The following ADH1A variants were observed in gnomAD, a reference collection of about 807,000 sequenced individuals.
The protein encoded by ADH1A is alcohol dehydrogenase 1A.
In ADH1A, 29 loss-of-function variants were observed where a neutral mutation model predicts 35.2. The observed-to-expected ratio is 0.82, with a 90% CI of 0.61 to 1.12. The LOEUF is 1.12. ADH1A is among the 50% of genes most tolerant of loss of function. The pLI, the probability that ADH1A is intolerant of heterozygous loss-of-function variation, is 0.00. For synonymous variants in ADH1A, 147 were observed against 164.8 expected (o/e 0.89, Z 0.83); for missense variants, 469 against 464.7 (o/e 1.01, Z -0.09).
chr4:99,282,499 G>A lies in ADH1A; in HGVS notation c.675C>T (p.Ile225=), dbSNP rs1733032618. The stretch of plus-strand genomic sequence containing the variant: ...TGGCCTTTGCAAATTTGTCCTTGTT[G>A]ATGTCCACCGCAATGATTCTGGCTG... ...AGAARIIAVD[I]NKDKFAKAKE... Residue 225 remains isoleucine (I), a synonymous_variant, in exon 6 of 9, where the codon ATC becomes ATT. Transcript: ENST00000209668. 6.2e-7 allele frequency: 1 copy of A among 1,614,040 alleles called. No individual in the cohort carries two copies. The highest frequency in any genetic ancestry group is 1.3e-5 in the African/African-American group (1 of 74,916).
intron 4 of ADH1A, 42 bp downstream of exon 4, chr4:99,284,674 T>C (rs762927634): frequency 1.9e-6 from 3 of 1,612,448 alleles, no homozygotes; most frequent in Non-Finnish European, 1.7e-6. Flanking sequence ...ATAACTAATG[T>C]GCAAACTCAA....
chr4:99,277,899 T>C (rs1183759601), intron 8 of ADH1A, among the ~76,000 whole-genome samples: 1 of 152,080 alleles, frequency 6.6e-6, no homozygotes, highest in Non-Finnish European at 1.5e-5. Flanking sequence ...GTAGAATAGA[T>C]TTCTAGAAAT....
At chr4:99,290,642 G>A (rs914800502) in intron 1 of ADH1A, among the ~76,000 whole-genome samples, 5 of 152,038 alleles carry the variant, frequency 3.3e-5, no homozygotes, top group South Asian at 2.1e-4. Context: ...TCGCTTTACC[G>A]CAAATGTCTT....
intron 1 of ADH1A, 102 bp from the exon 2 acceptor site, chr4:99,287,767 G>A (rs963720799): frequency 5.2e-5 from 67 of 1,288,850 alleles, no homozygotes; most frequent in Non-Finnish European, 7.4e-5. Flanking sequence ...TCCCATGTCT[G>A]GTACCTAACA....
rs1362567367 is a variant in ADH1A at position 99,282,563 on chromosome 4, A to T, written c.611T>A (p.Val204Asp). Residue 204 changes from valine to aspartate, a missense_variant, in exon 6 of 9, where the codon GTC (valine) becomes GAC (aspartate). Coordinates refer to ENST00000209668, the MANE Select transcript of ADH1A (RefSeq NM_000667.4). Reference sequence around the variant, plus strand: ...ACAGCCCATAATAGCAGATAGGCCGACCCCTCCCAGGCCAAACACAGCACA... The same window carrying T: ...ACAGCCCATAATAGCAGATAGGCCGTCCCCTCCCAGGCCAAACACAGCACA... ...STCAVFGLGG[V>D]GLSAIMGCKA... 1.9e-6 allele frequency: 3 copies of T among 1,613,982 alleles called. No homozygotes were observed. The highest frequency in any genetic ancestry group is 2.5e-6 in the Non-Finnish European group (3 of 1,180,026).
Position 99,284,732 on chromosome 4 carries a change from A to G in ADH1A, c.331T>C (p.Tyr111His). 1 of 1,614,222 alleles carries G rather than the reference A, an allele frequency of 6.2e-7. No homozygotes were observed. Among genetic ancestry groups the G allele is most frequent in the Middle Eastern group, 1.7e-4 (1 of 6,054 alleles). Residue 111 changes from tyrosine to histidine, a missense_variant, in exon 4 of 9, where the codon TAC becomes CAC. Coordinates refer to ENST00000209668, the MANE Select transcript of ADH1A (RefSeq NM_000667.4). ...CRICKNPESN[Y>H]CLKNDVSNPQ... The stretch of plus-strand genomic sequence containing the variant: ...GAAACCTACTCGTTTTTCAAGCAGT[A>G]GTTGCTCTCCGGGTTTTTACAAATT...
intron 1 of ADH1A, 80 bp from the exon 2 acceptor site, chr4:99,287,745 TACA>T: frequency 6.8e-7 from 1 of 1,480,688 alleles, no homozygotes; most frequent in Non-Finnish European, 9.4e-7. Context: ...TCTTTGTACA[TACA>T]ACATCTAATC....
intron 1 of ADH1A, among the ~76,000 whole-genome samples, chr4:99,289,109 C>A (rs908213073): frequency 7.2e-5 from 11 of 152,200 alleles, no homozygotes; most frequent in African/African-American, 2.6e-4. Flanking sequence ...TAATGGTCTC[C>A]AGCTCCATCC....
rs781344829 is a variant in ADH1A, at chr4:99,282,556, T to C, written c.618A>G (p.Leu206=). The C allele has an allele frequency of 5.0e-6, 8 of 1,614,204 alleles. No homozygotes were observed. The Admixed American group carries it at 6.7e-5, about 13-fold the overall frequency. ...CAVFGLGGVG[L]SAIMGCKAAG... ...CTGCTTTACAGCCCATAATAGCAGA[T>C]AGGCCGACCCCTCCCAGGCCAAACA... Residue 206 remains leucine (L), a synonymous_variant, in exon 6 of 9, where the codon CTA becomes CTG. Transcript: ENST00000209668.
At chr4:99,289,019 C>T (rs1371064019) in intron 1 of ADH1A, among the ~76,000 whole-genome samples, 1 of 152,032 alleles carries the variant, frequency 6.6e-6, no homozygotes, top group Non-Finnish European at 1.5e-5. Context: ...ATTCTCATGC[C>T]TTTGCATCCT....
rs988522801 is a variant in ADH1A at position 99,286,656 on chromosome 4, T to C, written c.259+194A>G. 29 of 865,872 alleles carry C rather than the reference T, an allele frequency of 3.3e-5. No homozygotes were observed. The African/African-American group carries it at 4.4e-4, about 13-fold the overall frequency. The allele number at this position is 865,872 out of a possible 1,614,324, so 53.6% of individuals were successfully genotyped here. A position where few individuals can be genotyped will look rare whatever the true frequency, so the allele number is the denominator to read the frequency against. On this transcript the variant is annotated intron_variant, in intron 3 of 8. Coordinates refer to ENST00000209668, the MANE Select transcript of ADH1A (RefSeq NM_000667.4). ...TGCTCAGTACATAATTGTTGAAGGG[T>C]AGAATACATGCGTGCCTAAAGACAT...
At chr4:99,286,205 C>CCGTA (rs2110610212) in intron 3 of ADH1A, among the ~76,000 whole-genome samples, 1 of 152,176 alleles carries the variant, frequency 6.6e-6, no homozygotes, top group East Asian at 1.9e-4. Flanking sequence ...AATTAGTAAT[C>CCGTA]CGTAACCAGT....
At position 99,286,964 on chromosome 4, in the gene ADH1A, T is replaced by C; in HGVS notation, c.145A>G (p.Thr49Ala). The C allele has an allele frequency of 1.2e-6, 2 of 1,614,126 alleles. No individual in the cohort carries two copies. The highest frequency in any genetic ancestry group is 1.7e-6 in the Non-Finnish European group (2 of 1,179,992). The change falls in exon 3 of 9, where the codon ACA becomes GCA. Residue 49 changes from threonine to alanine, a missense_variant. Thr to Ala is a moderately conservative substitution (Grantham distance 58, BLOSUM62 0). Coordinates refer to ENST00000209668, the MANE Select transcript of ADH1A (RefSeq NM_000667.4). ...IKMVAVGICG[T>A]DDHVVSGTMV... Reference sequence around the variant, plus strand: ...GTACCACTAACCACGTGGTCATCTGTGCCACAGATTCCTACAGCCACCATC... The same window carrying C: ...GTACCACTAACCACGTGGTCATCTGCGCCACAGATTCCTACAGCCACCATC...
At chr4:99,288,389 A>C (rs1733210254) in intron 1 of ADH1A, among the ~76,000 whole-genome samples, 1 of 152,058 alleles carries the variant, frequency 6.6e-6, no homozygotes, top group Non-Finnish European at 1.5e-5. Context: ...TCAGACCTAC[A>C]CATACATATT....
chr4:99,282,696 T>C (rs1733038643), intron 5 of ADH1A, 90 bp from the exon 6 acceptor site: 4 of 1,526,374 alleles, frequency 2.6e-6, no homozygotes, highest in Non-Finnish European at 2.6e-6. Context: ...AACTCTTCTG[T>C]TCAATCTGTT....
chr4:99,284,089 C>T (rs1020243007), intron 5 of ADH1A, among the ~76,000 whole-genome samples: 3 of 152,116 alleles, frequency 2.0e-5, no homozygotes, highest in Non-Finnish European at 4.4e-5. Context: ...TGTAGGTGCT[C>T]TCTAATTGTA....
chr4:99,284,537 G>A lies in ADH1A; in HGVS notation c.429C>T (p.Gly143=), dbSNP rs772352794. ...CRRKPIHHFL[G]ISTFSQYTVV... is the part of the protein sequence containing the mutation. ...CTGTGTACTGTGAGAAGGTGCTGAT[G>A]CCAAGGAAGTGGTGGATGGGCTTCC... The change falls in exon 5 of 9, where the codon GGC becomes GGT. Residue 143 remains glycine (G), a synonymous_variant. Coordinates refer to ENST00000209668, the MANE Select transcript of ADH1A (RefSeq NM_000667.4). 1.9e-6 allele frequency: 3 copies of A among 1,614,234 alleles called. No individual in the cohort carries two copies. The highest frequency in any genetic ancestry group is 2.5e-6 in the Non-Finnish European group (3 of 1,180,036).
At chr4:99,285,747 A>T (rs948539971) in intron 3 of ADH1A, among the ~76,000 whole-genome samples, 4 of 152,064 alleles carry the variant, frequency 2.6e-5, no homozygotes, top group African/African-American at 4.8e-5. Context: ...TCTAGTGCCT[A>T]AAGTGATTTT....
intron 6 of ADH1A, chr4:99,281,154 CTTCA>C (rs1205207500): frequency 6.6e-6 from 1 of 152,220 alleles, no homozygotes; most frequent in East Asian, 1.9e-4. Context: ...TCTCTTGACA[CTTCA>C]TTCATCTGTG....
Sources: allele counts gnomAD v4.1 joint callset (sites outside exome capture counted in the v4.1 genomes callset), GRCh38; gene constraint gnomAD v4.1.1; transcripts MANE v1.5; gene names NCBI Gene and HGNC (gene_info 2026-07-23, HGNC 2026-07-21).